Variants in FERRY3 observed in about 807,000 individuals in gnomAD.
FERRY3 encodes the protein protein C12orf4.
the FERRY3 span, chr12:4,500,218 G>C: frequency 6.2e-7 from 1 of 1,613,780 alleles, no homozygotes; most frequent in Non-Finnish European, 8.5e-7. Context: ...AGTATATTTC[G>C]GAGTCCCATA....
At chr12:4,534,256 G>T in the FERRY3 span, 1 of 1,611,842 alleles carries the variant, frequency 6.2e-7, no homozygotes. Context: ...TATCATAATC[G>T]CTGAGGGATT....
chr12:4,501,926 C>T, the FERRY3 span, among the ~76,000 whole-genome samples: 3 of 152,106 alleles, frequency 2.0e-5, no homozygotes, highest in Non-Finnish European at 4.4e-5. Context: ...TTGGACCCTG[C>T]GTCTCTCTCC....
At chr12:4,501,101 A>G in the FERRY3 span, among the ~76,000 whole-genome samples, 1 of 152,154 alleles carries the variant, frequency 6.6e-6, no homozygotes, top group Admixed American at 6.5e-5. Context: ...CTTTCCCTCA[A>G]TGCCTATCAC....
the FERRY3 span, among the ~76,000 whole-genome samples, chr12:4,494,447 A>G: frequency 6.6e-6 from 1 of 152,214 alleles, no homozygotes; most frequent in African/African-American, 2.4e-5. Context: ...GTTTTCCTCT[A>G]GAAGCATTAT....
chr12:4,512,678 C>T, the FERRY3 span, among the ~76,000 whole-genome samples: 10 of 145,516 alleles, frequency 6.9e-5, no homozygotes, highest in African/African-American at 2.6e-4. Flanking sequence ...AAGCCTTTGA[C>T]AAAATTCAAC....
chr12:4,508,521 G>A, the FERRY3 span, among the ~76,000 whole-genome samples: 1 of 152,246 alleles, frequency 6.6e-6, no homozygotes, highest in Admixed American at 6.5e-5. Flanking sequence ...AAGGTGGGCA[G>A]ATCACATGAG....
the FERRY3 span, among the ~76,000 whole-genome samples, chr12:4,511,580 G>T: frequency 1.5e-3 from 215 of 139,496 alleles, 1 homozygote; most frequent in African/African-American, 5.6e-3. Flanking sequence ...TCAGGATTAA[G>T]AATCTCACTC....
the FERRY3 span, chr12:4,490,688 T>C: frequency 3.2e-6 from 3 of 923,892 alleles, no homozygotes; most frequent in Non-Finnish European, 5.0e-6. Flanking sequence ...TGGGGCTTCA[T>C]GTCTTGACTT....
chr12:4,525,167 T>C, the FERRY3 span: 2 of 1,459,510 alleles, frequency 1.4e-6, no homozygotes, highest in Non-Finnish European at 1.9e-6. Flanking sequence ...TAAAAAGACA[T>C]ACAGCTAAAA....
chr12:4,534,127 T>A, the FERRY3 span: 8 of 1,526,892 alleles, frequency 5.2e-6, no homozygotes, highest in Non-Finnish European at 7.0e-6. Context: ...AGAATATCCT[T>A]GAAATTTACA....
chr12:4,537,398 C>T, the FERRY3 span, among the ~76,000 whole-genome samples: 4 of 152,146 alleles, frequency 2.6e-5, no homozygotes, highest in African/African-American at 9.7e-5. Context: ...AGAAAACAGT[C>T]TTCTTGAAGT....
the FERRY3 span, among the ~76,000 whole-genome samples, chr12:4,498,801 A>G: frequency 6.7e-4 from 102 of 152,300 alleles, no homozygotes; most frequent in African/African-American, 2.4e-3. Context: ...ATCATCAGGC[A>G]TTAGATTCTC....
chr12:4,491,984 G>A, the FERRY3 span, among the ~76,000 whole-genome samples: 1 of 152,176 alleles, frequency 6.6e-6, no homozygotes, highest in East Asian at 1.9e-4. Flanking sequence ...AGAGGTTGAA[G>A]CAGGAGGATT....
the FERRY3 span, among the ~76,000 whole-genome samples, chr12:4,492,972 G>T: frequency 0.063 from 9,628 of 151,924 alleles, 506 homozygotes; most frequent in Admixed American, 0.18. Flanking sequence ...CCTAAACATG[G>T]TCTGCAATGC....
chr12:4,487,988 C>G, the FERRY3 span: 4 of 152,122 alleles, frequency 2.6e-5, no homozygotes, highest in African/African-American at 9.7e-5. Context: ...AAATTCCCAC[C>G]ATTTCAGTGC....
chr12:4,517,911 A>T, the FERRY3 span: 1 of 618,712 alleles, frequency 1.6e-6, no homozygotes, highest in Non-Finnish European at 2.8e-6. Flanking sequence ...TTGAAATAAA[A>T]TAACTATGGC....
the FERRY3 span, chr12:4,489,097 G>A: frequency 6.6e-6 from 1 of 152,600 alleles, no homozygotes; most frequent in Non-Finnish European, 1.5e-5. Flanking sequence ...GCCAGGTGCT[G>A]GTTTAGACTA....
At chr12:4,505,271 G>C in the FERRY3 span, 1 of 1,359,342 alleles carries the variant, frequency 7.4e-7, no homozygotes, top group Non-Finnish European at 1.0e-6. Context: ...TTTGGTATAA[G>C]AAAACAGTAA....
the FERRY3 span, among the ~76,000 whole-genome samples, chr12:4,513,652 C>T: frequency 2.0e-5 from 3 of 152,136 alleles, no homozygotes; most frequent in Admixed American, 6.5e-5. Context: ...GAAAGGATTC[C>T]CTACTTAATA....
Sources: allele counts gnomAD v4.1 joint callset (sites outside exome capture counted in the v4.1 genomes callset), GRCh38; gene constraint gnomAD v4.1.1; transcripts MANE v1.5; gene names NCBI Gene and HGNC (gene_info 2026-07-23, HGNC 2026-07-21).